The following FOXN3 variants were observed in gnomAD, a reference collection of about 807,000 sequenced individuals.
The protein encoded by FOXN3 is forkhead box N3, also known as forkhead box protein N3.
Under a neutral mutation model 38.4 loss-of-function variants are expected in FOXN3, and 7 were observed. The ratio of observed to expected loss-of-function variants is 0.18; its 90% CI spans 0.10 to 0.34. The LOEUF is 0.34. Among genes scored for constraint, FOXN3 ranks in the 10% least tolerant of loss-of-function variants. The probability of loss-of-function intolerance (pLI) is 1.00; values close to 1 mark genes in which losing one functional copy is unlikely to be tolerated. For missense variants in FOXN3, 456 were observed against 613.4 expected, an observed-to-expected ratio of 0.74 and a Z score of 2.71; for synonymous variants, 230 against 242.2, an observed-to-expected ratio of 0.95 and a Z score of 0.47.
chr14:89,350,730 A>G lies in FOXN3; in HGVS notation c.622T>C (p.Tyr208His), dbSNP rs1379244788. The G allele has an allele frequency of 1.2e-6, 2 of 1,604,576 alleles. No individual in the cohort carries two copies. Among genetic ancestry groups the G allele is most frequent in the East Asian group, 2.3e-5 (1 of 43,872 alleles). The change falls in exon 3 of 6, where the codon TAT (tyrosine) becomes CAT (histidine). Residue 208 changes from tyrosine to histidine, a missense_variant. Tyr to His is a moderately conservative substitution (Grantham distance 83, BLOSUM62 2). This residue lies in a region of FOXN3 where 386 missense variants were observed against 505.2 expected (regional missense o/e 0.76). Transcript: ENST00000557258. ...TTGAACACGTGTGGGTGTGGGTGATAAGGTGTCTTTTTCAAAGCCTGAATT... is the reference window on the plus strand; with the variant it reads ...TTGAACACGTGTGGGTGTGGGTGATGAGGTGTCTTTTTCAAAGCCTGAATT... ...NLIQALKKTP[Y>H]HPHPHVFNTP... is the part of the protein sequence containing the mutation.
chr14:89,581,096 C>T (rs1338619336), intron 1 of FOXN3, among the ~76,000 whole-genome samples: 2 of 151,806 alleles, frequency 1.3e-5, no homozygotes, highest in Admixed American at 6.6e-5. Flanking sequence ...GTGGAAGGAT[C>T]ACTTGAGCCT....
At chr14:89,465,350 C>T (rs1360203362) in intron 1 of FOXN3, among the ~76,000 whole-genome samples, 1 of 152,170 alleles carries the variant, frequency 6.6e-6, no homozygotes, top group African/African-American at 2.4e-5. Flanking sequence ...CTGCCTCAGC[C>T]TCCCAAGTAG....
At chr14:89,480,242 A>C (rs1893297308) in intron 1 of FOXN3, among the ~76,000 whole-genome samples, 1 of 152,064 alleles carries the variant, frequency 6.6e-6, no homozygotes, top group Non-Finnish European at 1.5e-5. Flanking sequence ...CTCTACTAAA[A>C]ATACAAAAAA....
intron 1 of FOXN3, among the ~76,000 whole-genome samples, chr14:89,585,712 T>C (rs1895827051): frequency 7.4e-6 from 1 of 135,440 alleles, no homozygotes. Context: ...CAAAAACTAA[T>C]AGATTTATTT....
intron 1 of FOXN3, among the ~76,000 whole-genome samples, chr14:89,603,106 T>C (rs1389543256): frequency 6.6e-6 from 1 of 151,920 alleles, no homozygotes; most frequent in Non-Finnish European, 1.5e-5. Flanking sequence ...TACCAAGTTC[T>C]AGCTAATGGA....
At chr14:89,608,328 G>GA (rs1896318660) in intron 1 of FOXN3, among the ~76,000 whole-genome samples, 1 of 151,540 alleles carries the variant, frequency 6.6e-6, no homozygotes, top group African/African-American at 2.4e-5. Context: ...TTTTAGTACA[G>GA]ACAGGGTTTC....
chr14:89,470,793 G>A (rs1893078209), intron 1 of FOXN3, among the ~76,000 whole-genome samples: 1 of 152,188 alleles, frequency 6.6e-6, no homozygotes. Flanking sequence ...ATGCCTCGGA[G>A]CGGCCCAGTA....
intron 3 of FOXN3, among the ~76,000 whole-genome samples, chr14:89,307,646 G>A (rs981664357): frequency 2.0e-5 from 3 of 152,128 alleles, no homozygotes; most frequent in African/African-American, 7.2e-5. Flanking sequence ...ATTTCTTAAA[G>A]CTCGTTGGCA....
At chr14:89,405,437 C>T (rs1457819169) in intron 2 of FOXN3, among the ~76,000 whole-genome samples, 2 of 152,100 alleles carry the variant, frequency 1.3e-5, no homozygotes, top group African/African-American at 2.4e-5. Flanking sequence ...CACCTGGGTG[C>T]GACCTCATTT....
At chr14:89,372,462 C>T (rs2140057517) in intron 2 of FOXN3, among the ~76,000 whole-genome samples, 1 of 152,280 alleles carries the variant, frequency 6.6e-6, no homozygotes, top group African/African-American at 2.4e-5. Flanking sequence ...AGTGAGGCTT[C>T]CAATTTGACA....
chr14:89,309,207 T>TG (rs1887461931), intron 3 of FOXN3, among the ~76,000 whole-genome samples: 1 of 152,196 alleles, frequency 6.6e-6, no homozygotes, highest in South Asian at 2.1e-4. Context: ...CCGTTAAGTG[T>TG]GATGGCTGGA....
chr14:89,522,457 TA>T (rs1342467685), intron 1 of FOXN3, among the ~76,000 whole-genome samples: 1 of 152,156 alleles, frequency 6.6e-6, no homozygotes, highest in South Asian at 2.1e-4. Flanking sequence ...CAATACAAGT[TA>T]ATATAAAATA....
At position 89,548,601 on chromosome 14, in the gene FOXN3, G is replaced by A. The variant is rs1894932009; in HGVS notation, c.-15+70427C>T. Among the ~76,000 whole-genome samples the A allele has an allele frequency of 6.6e-6, 1 of 152,136 alleles. No individual in the cohort carries two copies. ...TAACTAATCGTATGGGATAATGTAT[G>A]TAAAAGTATTCTATAATTAGAACCT... On this transcript the variant is annotated intron_variant, in intron 1 of 6. Transcript: ENST00000345097. This position sits in a 1 kb window ranked among gnomAD's most constrained non-coding sequence, Gnocchi z 4.8.
intron 3 of FOXN3, chr14:89,349,758 C>T (rs1489925940): frequency 1.3e-5 from 2 of 152,214 alleles, no homozygotes; most frequent in Non-Finnish European, 2.9e-5. Flanking sequence ...CTTTGTGCTC[C>T]CTCCTGCAGA....
chr14:89,589,313 C>A (rs1481642125), intron 1 of FOXN3, among the ~76,000 whole-genome samples: 8 of 152,190 alleles, frequency 5.3e-5, no homozygotes, highest in Non-Finnish European at 1.2e-4. Context: ...GATTTACCTA[C>A]AGGTGTGAGT....
At chr14:89,225,183 T>C (rs1020771514) in intron 4 of FOXN3, among the ~76,000 whole-genome samples, 1 of 150,690 alleles carries the variant, frequency 6.6e-6, no homozygotes, top group Non-Finnish European at 1.5e-5. Context: ...TGTGTGCCTA[T>C]AGTCCCAGCT....
intron 4 of FOXN3, among the ~76,000 whole-genome samples, chr14:89,237,488 T>C (rs938874232): frequency 6.6e-6 from 1 of 152,026 alleles, no homozygotes; most frequent in Admixed American, 6.6e-5. Context: ...CCGAAGCATT[T>C]ATCATCGTAA....
At chr14:89,295,005 G>A (rs925126885) in intron 3 of FOXN3, among the ~76,000 whole-genome samples, 14 of 152,054 alleles carry the variant, frequency 9.2e-5, no homozygotes, top group Non-Finnish European at 1.9e-4. Flanking sequence ...AATGCTTACA[G>A]GGCAGGGTGA....
rs753586749 is a variant in FOXN3 at position 89,338,228 on chromosome 14, G to A, written c.680+12444C>T. Reference sequence around the variant, plus strand: ...CCTCCAAACATCTGGACTTGTGACTGTAAAGGGGAGGAGGGTAGCCAATGA... The same window carrying A: ...CCTCCAAACATCTGGACTTGTGACTATAAAGGGGAGGAGGGTAGCCAATGA... On this transcript the variant is annotated intron_variant, in intron 3 of 5. Coordinates refer to ENST00000557258, the MANE Select transcript of FOXN3 (RefSeq NM_005197.4). 5.9e-5 allele frequency among the ~76,000 whole-genome samples: 9 copies of A among 152,320 alleles called. No homozygotes were observed. The South Asian group carries it at 1.4e-3, about 25-fold the overall frequency.
Sources: gnomAD v4.1 joint callset for allele counts (sites outside exome capture counted in the v4.1 genomes callset) on GRCh38, gnomAD v4.1.1 for gene constraint, gnomAD v4.1.1 regional missense constraint, Gnocchi (gnomAD v3.1) non-coding constraint, MANE v1.5 for transcripts, NCBI Gene and HGNC (gene_info 2026-07-23, HGNC 2026-07-21) for gene names.